WWP1: variants seen among roughly 807,000 people sequenced by gnomAD.
WWP1 encodes the protein WW domain containing E3 ubiquitin protein ligase 1, also known as NEDD4-like E3 ubiquitin-protein ligase WWP1.
A neutral mutation model predicts 130.6 loss-of-function variants in WWP1; 49 were observed. The ratio of observed to expected loss-of-function variants is 0.38; its 90% CI spans 0.30 to 0.48. WWP1 has a LOEUF of 0.48. WWP1 is among the 20% of genes least tolerant of loss of function. WWP1 has a pLI of 0.99. For synonymous variants in WWP1, 332 were observed against 367.8 expected, an observed-to-expected ratio of 0.90 and a Z score of 1.11; for missense variants, 809 against 1,100.6, an observed-to-expected ratio of 0.74 and a Z score of 3.75.
At chr8:86,440,528 C>G in intron 17 of WWP1, 1 of 337,810 alleles carries the variant, frequency 3.0e-6, no homozygotes, top group Non-Finnish European at 5.7e-6. Flanking sequence ...GTGAGGCCAG[C>G]CCCTTGTAAG....
intron 24 of WWP1, among the ~76,000 whole-genome samples, chr8:86,465,810 T>C (rs766272239): frequency 2.0e-5 from 3 of 152,160 alleles, no homozygotes; most frequent in Admixed American, 1.3e-4. Flanking sequence ...GAGGGCAGTA[T>C]ATGGTCTGCT....
chr8:86,448,045 G>A, intron 18 of WWP1, 103 bp from the exon 19 acceptor site: 1 of 997,122 alleles, frequency 1.0e-6, no homozygotes. Context: ...CTTACTGAAT[G>A]CTTTGTTTAC....
chr8:86,455,233 G>A (rs1265918604), intron 21 of WWP1, among the ~76,000 whole-genome samples: 1 of 151,838 alleles, frequency 6.6e-6, no homozygotes, highest in Non-Finnish European at 1.5e-5. Flanking sequence ...TATTCTAAAT[G>A]GTAATATTTT....
intron 5 of WWP1, among the ~76,000 whole-genome samples, chr8:86,388,120 C>T (rs1315750757): frequency 6.8e-6 from 1 of 148,064 alleles, no homozygotes; most frequent in African/African-American, 2.5e-5. Context: ...GTATCAGACT[C>T]TTTTGTGTTT....
At chr8:86,445,357 C>A (rs6471345) in intron 18 of WWP1, among the ~76,000 whole-genome samples, 103,733 of 151,888 alleles carry the variant, frequency 0.68, 36,952 homozygotes, top group African/African-American at 0.89. Context: ...TCCCTCCCAT[C>A]GTAGTCCCCA....
At chr8:86,385,314 G>C (rs1825216921) in intron 5 of WWP1, among the ~76,000 whole-genome samples, 1 of 152,126 alleles carries the variant, frequency 6.6e-6, no homozygotes, top group Non-Finnish European at 1.5e-5. Flanking sequence ...TATTTGCAGA[G>C]GATAGATTTT....
chr8:86,367,293 G>A (rs1824027105), intron 1 of WWP1, among the ~76,000 whole-genome samples: 1 of 152,124 alleles, frequency 6.6e-6, no homozygotes. Context: ...ATTGATCCAG[G>A]CACATAGATA....
chr8:86,441,013 G>A (rs949138714), intron 17 of WWP1, among the ~76,000 whole-genome samples: 3 of 152,266 alleles, frequency 2.0e-5, no homozygotes, highest in South Asian at 4.1e-4. Context: ...GTATTGAGAA[G>A]AATATGTTGA....
chr8:86,380,927 T>C, intron 4 of WWP1, 63 bp downstream of exon 4: 1 of 1,465,654 alleles, frequency 6.8e-7, no homozygotes. Flanking sequence ...GGAATATGTT[T>C]TTTGTTTTGT....
chr8:86,401,149 A>G (rs557485379), intron 7 of WWP1, among the ~76,000 whole-genome samples: 1 of 152,124 alleles, frequency 6.6e-6, no homozygotes, highest in East Asian at 1.9e-4. Flanking sequence ...GTTCTGGGGT[A>G]TAATATTTAG....
In WWP1 at chr8:86,371,847, T is replaced by G. The variant is rs569840714; in HGVS notation, c.-21-2183T>G. On this transcript the variant is annotated intron_variant, in intron 2 of 24. Coordinates refer to ENST00000517970, the MANE Select transcript of WWP1 (RefSeq NM_007013.4). The stretch of plus-strand genomic sequence containing the variant: ...CCGTGTAGTCAAAATATTCACCCTT[T>G]TTTTCTTTTTTTGAATCAGGGTCTT... Among the ~76,000 whole-genome samples, 99 of 152,050 alleles carry G rather than the reference T, an allele frequency of 6.5e-4. 1 individual carries two copies. Among genetic ancestry groups the G allele is most frequent in the African/African-American group, 2.3e-3 (96 of 41,478 alleles).
intron 7 of WWP1, among the ~76,000 whole-genome samples, chr8:86,400,000 GC>G (rs1489483228): frequency 6.6e-6 from 1 of 152,262 alleles, no homozygotes. Flanking sequence ...AAGAATACCA[GC>G]CCTGATCCCA....
intron 5 of WWP1, among the ~76,000 whole-genome samples, chr8:86,393,707 A>G (rs1256739112): frequency 6.6e-6 from 1 of 152,092 alleles, no homozygotes; most frequent in Non-Finnish European, 1.5e-5. Flanking sequence ...TAATGTGTTC[A>G]TTTTGTTTCT....
intron 14 of WWP1, among the ~76,000 whole-genome samples, chr8:86,433,688 A>G (rs11998558): frequency 0.35 from 52,471 of 152,032 alleles, 10,555 homozygotes; most frequent in African/African-American, 0.55. Context: ...TCACGCCTAT[A>G]ATCCCAGCAG....
intron 3 of WWP1, among the ~76,000 whole-genome samples, chr8:86,379,748 A>G (rs1351594444): frequency 6.6e-6 from 1 of 152,248 alleles, no homozygotes; most frequent in Non-Finnish European, 1.5e-5. Flanking sequence ...CTTTCCAGAT[A>G]AAACATTAAA....
intron 5 of WWP1, among the ~76,000 whole-genome samples, chr8:86,382,408 C>G (rs1825033302): frequency 6.6e-6 from 1 of 152,090 alleles, no homozygotes; most frequent in Non-Finnish European, 1.5e-5. Context: ...TATTAAAAAC[C>G]AGGGTTCTAG....
In WWP1 at chr8:86,380,729, C is replaced by A. The variant is rs1173363980; in HGVS notation, c.74C>A (p.Ser25Tyr). The A allele has an allele frequency of 1.9e-6, 3 of 1,608,734 alleles. No homozygotes were observed. The East Asian group carries it at 6.7e-5, about 36-fold the overall frequency. ...TAGTGAATTATTTGTCTGTTAGTTT[C>A]TAGTGCCAAACTTAAAAGAAAAAAG... ...SGRLQLQVTV[S>Y]SAKLKRKKNW... Residue 25 changes from serine (S) to tyrosine (Y), a missense_variant, in exon 4 of 25, where the codon TCT becomes TAT. By Grantham distance (144) the Ser-to-Tyr change is moderately radical (BLOSUM62 -2). Coordinates refer to ENST00000517970, the MANE Select transcript of WWP1 (RefSeq NM_007013.4).
At chr8:86,405,166 G>A (rs1808204431) in intron 8 of WWP1, 2 of 152,068 alleles carry the variant, frequency 1.3e-5, no homozygotes, top group South Asian at 2.1e-4. Context: ...TAAGGTGTTG[G>A]TATAAGATGG....
chr8:86,346,439 A>G (rs1328719555), intron 1 of WWP1, among the ~76,000 whole-genome samples: 1 of 152,114 alleles, frequency 6.6e-6, no homozygotes, highest in East Asian at 1.9e-4. Context: ...AAAGAACTTT[A>G]TCTTCTCTGT....
Sources: allele counts gnomAD v4.1 joint callset (sites outside exome capture counted in the v4.1 genomes callset), GRCh38; gene constraint gnomAD v4.1.1; transcripts MANE v1.5; gene names NCBI Gene and HGNC (gene_info 2026-07-23, HGNC 2026-07-21).